The following DOCK2 variants were observed in gnomAD, a reference collection of about 807,000 sequenced individuals.
DOCK2 encodes the protein dedicator of cytokinesis protein 2.
In DOCK2, 87 loss-of-function variants were observed where a neutral mutation model predicts 248.9. The observed-to-expected ratio is 0.35, with a 90% CI of 0.29 to 0.42. DOCK2 has a LOEUF of 0.42. Ranked by LOEUF, DOCK2 falls within the 10% of genes least tolerant of loss-of-function variation. DOCK2 has a pLI of 1.00. For missense variants in DOCK2, 1,747 were observed against 2,300.2 expected, an observed-to-expected ratio of 0.76 and a Z score of 4.92; for synonymous variants, 805 against 821.6, an observed-to-expected ratio of 0.98 and a Z score of 0.35.
intron 26 of DOCK2, among the ~76,000 whole-genome samples, chr5:169,806,872 C>T (rs1767398702): frequency 6.7e-6 from 1 of 148,710 alleles, no homozygotes; most frequent in Non-Finnish European, 1.5e-5. Flanking sequence ...ACCATCCCCC[C>T]GCCCCCCCAC....
At chr5:169,969,606 G>A (rs1050887453) in intron 27 of DOCK2, among the ~76,000 whole-genome samples, 14 of 152,346 alleles carry the variant, frequency 9.2e-5, no homozygotes, top group African/African-American at 1.7e-4. Flanking sequence ...GCCATTCTGC[G>A]GAGGCATTCC....
In DOCK2 at chr5:170,082,100, G is replaced by A. The variant is rs113492745; in HGVS notation, c.5430+116G>A. On this transcript the variant is annotated intron_variant, in intron 51 of 51. Coordinates refer to ENST00000520908, the MANE Select transcript of DOCK2 (RefSeq NM_004946.3). ...TGCATATGTGGTCATTCCTAGGGAG[G>A]CATAGTCAGGAGGCCCTGAGTTCTG... 4.9e-4 allele frequency: 699 copies of A among 1,412,632 alleles called. 2 individuals carry two copies. In the African/African-American group the frequency reaches 9.3e-3, roughly 19 times the overall value. The allele number at this position is 1,412,632 out of a possible 1,614,324, so 87.5% of individuals were successfully genotyped here. A position where few individuals can be genotyped will look rare whatever the true frequency, so the allele number is the denominator to read the frequency against.
intron 46 of DOCK2, among the ~76,000 whole-genome samples, chr5:170,071,160 AG>A (rs1757668377): frequency 6.6e-6 from 1 of 152,208 alleles, no homozygotes; most frequent in South Asian, 2.1e-4. Context: ...CTCATAGTGA[AG>A]GCAGCCTTTT....
At chr5:169,643,204 C>A (rs1757246502) in intron 1 of DOCK2, among the ~76,000 whole-genome samples, 1 of 152,172 alleles carries the variant, frequency 6.6e-6, no homozygotes, top group Admixed American at 6.5e-5. Context: ...TGGAGAAAGT[C>A]ATTCCTTGTC....
At chr5:169,995,588 A>G (rs948743910) in intron 29 of DOCK2, among the ~76,000 whole-genome samples, 2 of 152,252 alleles carry the variant, frequency 1.3e-5, no homozygotes, top group African/African-American at 4.8e-5. Context: ...ATTGTTGAGT[A>G]AAAACGACAG....
At chr5:169,909,039 A>C (rs1774449091) in intron 27 of DOCK2, among the ~76,000 whole-genome samples, 1 of 152,162 alleles carries the variant, frequency 6.6e-6, no homozygotes, top group African/African-American at 2.4e-5. Context: ...CCTAGAGTGA[A>C]TGTGAGCGAG....
chr5:169,975,756 A>G (rs1468644438), intron 27 of DOCK2, among the ~76,000 whole-genome samples: 3 of 152,204 alleles, frequency 2.0e-5, no homozygotes, highest in Non-Finnish European at 4.4e-5. Flanking sequence ...TCTTACATAT[A>G]TATTTCCTTG....
intron 27 of DOCK2, among the ~76,000 whole-genome samples, chr5:169,978,047 C>T (rs768856463): frequency 3.3e-5 from 5 of 152,172 alleles, no homozygotes; most frequent in Admixed American, 6.5e-5. Context: ...GAGCCTCCCT[C>T]GGCAAACTTT....
At chr5:170,079,893 T>G (rs1757965326) in intron 49 of DOCK2, 2 of 397,318 alleles carry the variant, frequency 5.0e-6, no homozygotes, top group Non-Finnish European at 9.0e-6. Context: ...TGGAAATGTC[T>G]TCTGTGTTTG....
At chr5:170,057,519 C>A in intron 43 of DOCK2, 61 bp from the exon 44 acceptor site, 1 of 1,495,762 alleles carries the variant, frequency 6.7e-7, no homozygotes. Context: ...TCTCCGATAC[C>A]CAGGTTTCAT....
At chr5:169,641,773 C>T (rs747549007) in intron 1 of DOCK2, among the ~76,000 whole-genome samples, 3 of 152,214 alleles carry the variant, frequency 2.0e-5, no homozygotes, top group Non-Finnish European at 2.9e-5. Context: ...GTAACTGATA[C>T]TCTAATACCA....
intron 27 of DOCK2, among the ~76,000 whole-genome samples, chr5:169,854,883 G>A (rs1387149551): frequency 2.6e-5 from 4 of 152,214 alleles, no homozygotes; most frequent in African/African-American, 9.6e-5. Context: ...ATGAAAAGTG[G>A]CAGCCTGCAC....
chr5:169,780,290 A>G (rs1378971388), intron 25 of DOCK2, among the ~76,000 whole-genome samples: 2 of 133,726 alleles, frequency 1.5e-5, no homozygotes, highest in African/African-American at 6.1e-5. Context: ...CCCCCAACCC[A>G]ATAAATGTGT....
intron 23 of DOCK2, among the ~76,000 whole-genome samples, chr5:169,754,759 C>G (rs262858): frequency 0.047 from 7,079 of 152,106 alleles, 316 homozygotes; most frequent in African/African-American, 0.11. Flanking sequence ...AGCTACATGG[C>G]TTCTGGCAAG....
At chr5:169,753,081 T>C (rs1763991809) in intron 23 of DOCK2, among the ~76,000 whole-genome samples, 1 of 152,132 alleles carries the variant, frequency 6.6e-6, no homozygotes. Flanking sequence ...AATAATTACT[T>C]CTATCATTTT....
At chr5:170,046,296 C>G (rs529736657) in intron 39 of DOCK2, among the ~76,000 whole-genome samples, 4 of 152,264 alleles carry the variant, frequency 2.6e-5, no homozygotes, top group African/African-American at 7.2e-5. Context: ...TAAAATGCTC[C>G]CCATCTGGTT....
chr5:169,688,755 C>T (rs1760128006), intron 8 of DOCK2, among the ~76,000 whole-genome samples: 1 of 152,112 alleles, frequency 6.6e-6, no homozygotes, highest in Non-Finnish European at 1.5e-5. Context: ...ATGGCTGAGA[C>T]CCTATATGAC....
intron 25 of DOCK2, among the ~76,000 whole-genome samples, chr5:169,780,124 C>A (rs979295834): frequency 6.7e-6 from 1 of 149,080 alleles, no homozygotes; most frequent in Non-Finnish European, 1.5e-5. Context: ...GATCTAGCAA[C>A]CCTGGCATTG....
intron 27 of DOCK2, among the ~76,000 whole-genome samples, chr5:169,841,953 G>A (rs1353725063): frequency 6.6e-6 from 1 of 152,144 alleles, no homozygotes; most frequent in East Asian, 1.9e-4. Flanking sequence ...ATGAATAAAT[G>A]CATGACATGT....
Sources: gnomAD v4.1 joint callset for allele counts (sites outside exome capture counted in the v4.1 genomes callset) on GRCh38, gnomAD v4.1.1 for gene constraint, MANE v1.5 for transcripts, NCBI Gene and HGNC (gene_info 2026-07-23, HGNC 2026-07-21) for gene names.